Variants in LIMCH1 observed in about 807,000 individuals in gnomAD.
LIMCH1 encodes LIM and calponin homology domains-containing protein 1.
Under a neutral mutation model 176.5 loss-of-function variants are expected in LIMCH1, and 113 were observed. That is an observed-to-expected ratio of 0.64 (90% CI 0.55 to 0.75). LIMCH1 has a LOEUF of 0.75. Ranked by LOEUF, LIMCH1 falls within the 30% of genes least tolerant of loss-of-function variation. The pLI is 0.00. For missense variants in LIMCH1, 1,674 were observed against 1,814.9 expected (o/e 0.92, Z 1.41); for synonymous variants, 619 against 645.9 (o/e 0.96, Z 0.63).
rs1179385415 is a variant in LIMCH1, at chr4:41,633,795, A to G, written c.2077A>G (p.Met693Val). The G allele has an allele frequency of 1.3e-5, 20 of 1,535,892 alleles. No individual in the cohort carries two copies. The highest frequency in any genetic ancestry group is 1.7e-5 in the Non-Finnish European group (19 of 1,146,778). ...DVEESSKGLP[M>V]KDQRYGPRTP... Reference sequence around the variant, plus strand: ...GGAAGAATCTTCTAAAGGTCTACCCATGAAAGATCAGAGGTCAGAAAGTTA... The same window carrying G: ...GGAAGAATCTTCTAAAGGTCTACCCGTGAAAGATCAGAGGTCAGAAAGTTA... The change falls in exon 13 of 32, where the codon ATG becomes GTG. Residue 693 changes from methionine (M) to valine (V), a missense_variant. Transcript: ENST00000503057.
At chr4:41,661,139 A>G (rs1330134616) in intron 18 of LIMCH1, among the ~76,000 whole-genome samples, 1 of 151,702 alleles carries the variant, frequency 6.6e-6, no homozygotes, top group African/African-American at 2.4e-5. Flanking sequence ...GATAGCCATG[A>G]TTTTGAGCTT....
intron 11 of LIMCH1, 27 bp downstream of exon 11, chr4:41,632,894 C>T (rs764537209): frequency 1.5e-4 from 227 of 1,531,700 alleles, no homozygotes; most frequent in Admixed American, 2.0e-4. Flanking sequence ...CCTGCCTTCC[C>T]GGGAGGTGAA....
At position 41,632,484 on chromosome 4, in the gene LIMCH1, G is replaced by A. The variant is rs975158395; in HGVS notation, c.1602-265G>A. On this transcript the variant is annotated intron_variant, in intron 10 of 31. Coordinates refer to ENST00000503057, the MANE Select transcript of LIMCH1 (RefSeq NM_001330672.2). Reference sequence around the variant, plus strand: ...GGGGTAGGAAATTAATAAGAAATACGTCCTCGAGGCCTTGAATCCTGAGAG... The same window carrying A: ...GGGGTAGGAAATTAATAAGAAATACATCCTCGAGGCCTTGAATCCTGAGAG... Among the ~76,000 whole-genome samples, 16 of 152,184 alleles carry A rather than the reference G, an allele frequency of 1.1e-4. No individual in the cohort carries two copies. The East Asian group carries it at 2.7e-3, about 26-fold the overall frequency.
chr4:41,624,268 G>A (rs1021833520), intron 7 of LIMCH1, among the ~76,000 whole-genome samples: 2 of 151,990 alleles, frequency 1.3e-5, no homozygotes, highest in Non-Finnish European at 1.5e-5. Flanking sequence ...TCTCAACCAC[G>A]TAGTAATTAA....
intron 1 of LIMCH1, among the ~76,000 whole-genome samples, chr4:41,488,348 G>A (rs958665935): frequency 4.6e-5 from 7 of 152,012 alleles, no homozygotes; most frequent in Admixed American, 3.9e-4. Context: ...CAGATTCTGG[G>A]AAAAAAATGC....
rs1168653479 is a variant in LIMCH1, at chr4:41,666,749, C to T, written c.3397+83C>T. On this transcript the variant is annotated intron_variant, in intron 21 of 31. Transcript: ENST00000503057. Reference sequence around the variant, plus strand: ...TATTACTTAATTTAAAGGAAGATTACGTCCTTTATGTTGCTATTCCTTTAG... The same window carrying T: ...TATTACTTAATTTAAAGGAAGATTATGTCCTTTATGTTGCTATTCCTTTAG... The T allele has an allele frequency of 7.7e-6, 7 of 912,282 alleles. No individual in the cohort carries two copies. In the African/African-American group the frequency reaches 1.0e-4, roughly 13 times the overall value. The allele number at this position is 912,282 out of a possible 1,614,324, so 56.5% of individuals were successfully genotyped here.
chr4:41,393,178 T>G (rs1323681373), intron 1 of LIMCH1, among the ~76,000 whole-genome samples: 1 of 152,226 alleles, frequency 6.6e-6, no homozygotes, highest in East Asian at 1.9e-4. Context: ...GATGAAGACA[T>G]TGAGTGTTGC....
chr4:41,475,579 T>G (rs555404037), intron 1 of LIMCH1, among the ~76,000 whole-genome samples: 29 of 152,340 alleles, frequency 1.9e-4, no homozygotes, highest in African/African-American at 7.0e-4. Context: ...GAGAACTGGT[T>G]GTTAAACAAA....
intron 21 of LIMCH1, chr4:41,670,697 C>G: frequency 6.6e-7 from 1 of 1,514,014 alleles, no homozygotes; most frequent in Non-Finnish European, 8.9e-7. Context: ...TCTGTTTGTT[C>G]TGTTCTGCCA....
chr4:41,679,952 C>G, intron 23 of LIMCH1, 54 bp from the exon 24 acceptor site: 1 of 1,220,340 alleles, frequency 8.2e-7, no homozygotes, highest in East Asian at 2.4e-5. Flanking sequence ...GGGAAAATTC[C>G]CGATGACGTA....
intron 13 of LIMCH1, among the ~76,000 whole-genome samples, chr4:41,634,673 T>C (rs1277312338): frequency 1.3e-5 from 2 of 152,244 alleles, no homozygotes; most frequent in Non-Finnish European, 2.9e-5. Flanking sequence ...ATATTTGTGC[T>C]TTACAACCAC....
At chr4:41,571,935 C>T (rs995489540) in intron 1 of LIMCH1, among the ~76,000 whole-genome samples, 2 of 152,260 alleles carry the variant, frequency 1.3e-5, no homozygotes, top group Admixed American at 6.5e-5. Context: ...TTATAGCAAG[C>T]AGCCTTTCAT....
chr4:41,440,517 T>C (rs11943625), intron 1 of LIMCH1, among the ~76,000 whole-genome samples: 20,121 of 151,900 alleles, frequency 0.13, 1,538 homozygotes, highest in Admixed American at 0.21. Flanking sequence ...ACAGAAAAAA[T>C]ACCATGGTCT....
intron 1 of LIMCH1, among the ~76,000 whole-genome samples, chr4:41,579,361 G>T (rs1014432574): frequency 6.6e-6 from 1 of 152,086 alleles, no homozygotes; most frequent in South Asian, 2.1e-4. Flanking sequence ...AGGCAGGAAA[G>T]GTCTTAAAAG....
intron 1 of LIMCH1, among the ~76,000 whole-genome samples, chr4:41,559,973 C>T (rs1056394328): frequency 1.3e-5 from 2 of 152,230 alleles, no homozygotes; most frequent in East Asian, 1.9e-4. Context: ...TTGATAGTCC[C>T]GATCTCTTTC....
At chr4:41,536,279 C>T (rs149734469), upstream of LIMCH1, among the ~76,000 whole-genome samples, 7 of 152,258 alleles carry the variant, frequency 4.6e-5, no homozygotes, top group Admixed American at 2.6e-4. Context: ...TCTCTTAAAA[C>T]GTGCCTTCCT....
At chr4:41,414,156 G>T (rs758932263) in intron 1 of LIMCH1, among the ~76,000 whole-genome samples, 1 of 152,078 alleles carries the variant, frequency 6.6e-6, no homozygotes, top group Non-Finnish European at 1.5e-5. Context: ...AGGATGGGGG[G>T]GCAGGAAGAG....
At chr4:41,582,976 A>G (rs1451307675) in intron 1 of LIMCH1, among the ~76,000 whole-genome samples, 1 of 152,204 alleles carries the variant, frequency 6.6e-6, no homozygotes, top group South Asian at 2.1e-4. Context: ...TTACCATTTA[A>G]TCATTTTAAG....
intron 20 of LIMCH1, among the ~76,000 whole-genome samples, chr4:41,664,415 T>C (rs1042551744): frequency 2.0e-4 from 31 of 152,218 alleles, no homozygotes; most frequent in African/African-American, 7.5e-4. Context: ...GTAGAGCCTC[T>C]AAAATGCCTG....
Sources: gnomAD v4.1 joint callset for allele counts (sites outside exome capture counted in the v4.1 genomes callset) on GRCh38, gnomAD v4.1.1 for gene constraint, MANE v1.5 for transcripts, NCBI Gene and HGNC (gene_info 2026-07-23, HGNC 2026-07-21) for gene names.